The following ZFP30 variants were observed in gnomAD, a reference collection of about 807,000 sequenced individuals.
The protein encoded by ZFP30 is ZFP30 zinc finger protein, also known as zinc finger protein 30 homolog.
ZFP30 carries 16 observed loss-of-function variants against 12.3 expected under a neutral mutation model. The ratio of observed to expected loss-of-function variants is 1.30; its 90% CI spans 0.88 to 1.98. ZFP30 has a LOEUF of 1.98. Ranked by LOEUF, ZFP30 falls within the 30% of genes most tolerant of loss-of-function variation. The pLI is 0.00. For synonymous variants in ZFP30, 172 were observed against 201.0 expected (o/e 0.86, Z 1.22); for missense variants, 560 against 611.2 (o/e 0.92, Z 0.88).
chr19:37,641,700 T>C (rs1455576164), intron 5 of ZFP30, among the ~76,000 whole-genome samples: 1 of 152,220 alleles, frequency 6.6e-6, no homozygotes, highest in East Asian at 1.9e-4. Flanking sequence ...TTAAATATCA[T>C]CAAAAGTCAA....
At chr19:37,647,749 T>G in intron 3 of ZFP30, 65 bp downstream of exon 3, 254 of 1,593,254 alleles carry the variant, frequency 1.6e-4, no homozygotes, top group Middle Eastern at 3.3e-4. Context: ...GAATAACAAA[T>G]GAGAATGTTC....
chr19:37,643,153 TC>T (rs1442974216), intron 5 of ZFP30, 111 bp downstream of exon 5: 1 of 741,502 alleles, frequency 1.3e-6, no homozygotes, highest in East Asian at 2.9e-5. Flanking sequence ...TAAATTTTCT[TC>T]CCAAGTTTCA....
Position 37,635,512 on chromosome 19 carries a change from G to A in ZFP30, c.1029C>T (p.Leu343=), listed in dbSNP as rs138719651. 6.2e-7 allele frequency: 1 copy of A among 1,613,414 alleles called. No individual in the cohort carries two copies. Among genetic ancestry groups the A allele is most frequent in the South Asian group, 1.1e-5 (1 of 91,028 alleles). ...KAFRVRQQLT[L]HQRIHTGEKP... Reference sequence around the variant, plus strand: ...TCTCACCAGTGTGAATTCTCTGATGGAGAGTAAGTTGCTGCCGCACTCTAA... The same window carrying A: ...TCTCACCAGTGTGAATTCTCTGATGAAGAGTAAGTTGCTGCCGCACTCTAA... The change falls in exon 6 of 6, where the codon CTC becomes CTT. Residue 343 remains leucine, a synonymous_variant. Coordinates refer to ENST00000684514, the MANE Select transcript of ZFP30 (RefSeq NM_001320669.3).
chr19:37,637,147 T>C (rs996514400), intron 5 of ZFP30, among the ~76,000 whole-genome samples: 1 of 152,102 alleles, frequency 6.6e-6, no homozygotes, highest in African/African-American at 2.4e-5. Context: ...GCTGACTTCA[T>C]GTAATATATA....
chr19:37,637,203 CTTTTTTT>C (rs1002235029), intron 5 of ZFP30, among the ~76,000 whole-genome samples: 1 of 131,844 alleles, frequency 7.6e-6, no homozygotes, highest in African/African-American at 2.8e-5. Flanking sequence ...TTCTTTTTTT[CTTTTTTT>C]TTTTTTTTTT....
At chr19:37,646,416 T>C (rs1164941700) in intron 3 of ZFP30, among the ~76,000 whole-genome samples, 1 of 152,208 alleles carries the variant, frequency 6.6e-6, no homozygotes, top group African/African-American at 2.4e-5. Flanking sequence ...TTTAGCAATA[T>C]GTGGATACTG....
rs2044292548 is a variant in ZFP30, at chr19:37,635,092, T to A, written c.1449A>T (p.Gln483His). 1 of 1,613,658 alleles carries A rather than the reference T, an allele frequency of 6.2e-7. No individual in the cohort carries two copies. The change falls in exon 6 of 6, where the codon CAA becomes CAT. Residue 483 changes from glutamine to histidine, a missense_variant. Transcript: ENST00000684514. ...TCTCACCAGAATGAATTCTCTGATG[T>A]TGAATCAGTGATGAATGAAGTCTAA... ...KAFRLHSSLI[Q>H]HQRIHSGEKP...
intron 5 of ZFP30, among the ~76,000 whole-genome samples, chr19:37,642,803 C>A (rs2044460818): frequency 6.6e-6 from 1 of 151,986 alleles, no homozygotes; most frequent in Non-Finnish European, 1.5e-5. Context: ...CGCCTGTAAT[C>A]CCAGCACTTT....
intron 2 of ZFP30, among the ~76,000 whole-genome samples, chr19:37,652,383 A>G (rs1202575072): frequency 6.6e-6 from 1 of 152,072 alleles, no homozygotes; most frequent in East Asian, 1.9e-4. Flanking sequence ...CTTGGTCAAC[A>G]TAGTGAAACC....
At chr19:37,653,137 A>G (rs1324574195) in intron 2 of ZFP30, among the ~76,000 whole-genome samples, 2 of 151,270 alleles carry the variant, frequency 1.3e-5, no homozygotes, top group African/African-American at 2.4e-5. Flanking sequence ...AAAAAAAAAG[A>G]AAGAAAAAAG....
chr19:37,641,899 T>C (rs191421408), intron 5 of ZFP30, among the ~76,000 whole-genome samples: 32 of 152,348 alleles, frequency 2.1e-4, no homozygotes, highest in Admixed American at 1.8e-3. Context: ...TAGTTTCCCA[T>C]ATTCTGAATT....
intron 5 of ZFP30, 46 bp downstream of exon 5, chr19:37,643,219 G>A: frequency 6.6e-7 from 1 of 1,506,582 alleles, no homozygotes; most frequent in African/African-American, 1.4e-5. Flanking sequence ...CAACCAGCAG[G>A]TCTGGCCATG....
rs2044226882 is a variant in ZFP30 at position 37,631,189 on chromosome 19, A to G, written c.*3792T>C. On this transcript the variant is annotated 3_prime_UTR_variant, in exon 6 of 6. Coordinates refer to ENST00000684514, the MANE Select transcript of ZFP30 (RefSeq NM_001320669.3). Reference sequence around the variant, plus strand: ...CTTTGCTGTCACCTGTTTTGGTTACAGCACTTATCTGTTAAAATGGGTTCA... The same window carrying G: ...CTTTGCTGTCACCTGTTTTGGTTACGGCACTTATCTGTTAAAATGGGTTCA... 6.6e-6 allele frequency: 1 copy of G among 152,202 alleles called. No individual in the cohort carries two copies. The highest frequency in any genetic ancestry group is 2.1e-4 in the South Asian group (1 of 4,830). The allele number at this position is 152,202 out of a possible 1,614,324, so 9.4% of individuals were successfully genotyped here.
chr19:37,643,086 C>T (rs553110455), intron 5 of ZFP30, among the ~76,000 whole-genome samples, 179 bp downstream of exon 5: 1 of 147,880 alleles, frequency 6.8e-6, no homozygotes, highest in South Asian at 2.1e-4. Context: ...AAAAAAGAAA[C>T]GAGTGATAAG....
chr19:37,651,994 G>A (rs1422443406), intron 2 of ZFP30, among the ~76,000 whole-genome samples: 1 of 151,944 alleles, frequency 6.6e-6, no homozygotes. Context: ...AAACAGACTT[G>A]AACAGATGAA....
At chr19:37,651,548 C>G (rs1279274060) in intron 2 of ZFP30, 1 of 149,630 alleles carries the variant, frequency 6.7e-6, no homozygotes, top group Non-Finnish European at 1.5e-5. Flanking sequence ...TGCACTCTAG[C>G]CTGGGCGACA....
At position 37,633,947 on chromosome 19, in the gene ZFP30, C is replaced by T. The variant is rs189011356; in HGVS notation, c.*1034G>A. 2.4e-4 allele frequency: 36 copies of T among 152,278 alleles called. 1 individual carries two copies. Among genetic ancestry groups the T allele is most frequent in the Admixed American group, 2.2e-3 (34 of 15,298 alleles). The allele number at this position is 152,278 out of a possible 1,614,324, so 9.4% of individuals were successfully genotyped here. A position where few individuals can be genotyped will look rare whatever the true frequency, so the allele number is the denominator to read the frequency against. ...ACATAACCACAATGCTATTATCACA[C>T]ATAACAAAGTTTCTTAATATTATCT... On this transcript the variant is annotated 3_prime_UTR_variant, in exon 6 of 6. Transcript: ENST00000684514.
Position 37,635,349 on chromosome 19 carries a change from T to G in ZFP30, c.1192A>C (p.Ile398Leu). Reference protein sequence around the residue: ...QKFFRRYSELISHQGIHIGEK... With the variant: ...QKFFRRYSELLSHQGIHIGEK... Reference sequence around the variant, plus strand: ...CCAATGTGAATACCCTGATGTGAAATAAGTTCTGAGTAACGACGAAAGAAC... The same window carrying G: ...CCAATGTGAATACCCTGATGTGAAAGAAGTTCTGAGTAACGACGAAAGAAC... Residue 398 changes from isoleucine to leucine, a missense_variant, in exon 6 of 6, where the codon ATT becomes CTT. By Grantham distance (5) the Ile-to-Leu change is conservative. Coordinates refer to ENST00000684514, the MANE Select transcript of ZFP30 (RefSeq NM_001320669.3). The G allele has an allele frequency of 8.7e-6, 14 of 1,614,044 alleles. No individual in the cohort carries two copies. The highest frequency in any genetic ancestry group is 1.2e-5 in the Non-Finnish European group (14 of 1,180,000).
chr19:37,643,183 G>T, intron 5 of ZFP30, 82 bp downstream of exon 5: 3 of 1,012,396 alleles, frequency 3.0e-6, no homozygotes, highest in Non-Finnish European at 2.9e-6. Flanking sequence ...CTTCACAATT[G>T]ACATCTAAGG....
Sources: gnomAD v4.1 joint callset for allele counts (sites outside exome capture counted in the v4.1 genomes callset) on GRCh38, gnomAD v4.1.1 for gene constraint, MANE v1.5 for transcripts, NCBI Gene and HGNC (gene_info 2026-07-23, HGNC 2026-07-21) for gene names.